POLA1: variants seen among roughly 807,000 people sequenced by gnomAD.
The protein encoded by POLA1 is DNA polymerase alpha 1, catalytic subunit, also known as DNA polymerase alpha catalytic subunit.
In POLA1, 15 loss-of-function variants were observed where a neutral mutation model predicts 124.0. The ratio of observed to expected loss-of-function variants is 0.12; its 90% CI spans 0.08 to 0.19. The LOEUF is 0.19. POLA1 is among the 10% of genes least tolerant of loss of function. The pLI is 1.00. For missense variants in POLA1, 886 were observed against 1,103.4 expected, an observed-to-expected ratio of 0.80 and a Z score of 2.79; for synonymous variants, 408 against 389.4, an observed-to-expected ratio of 1.05 and a Z score of -0.56.
chrX:24,906,717 A>T (rs1321679595), intron 35 of POLA1, among the ~76,000 whole-genome samples: 2 of 111,111 alleles, frequency 1.8e-5, no homozygotes, highest in Admixed American at 1.9e-4. Context: ...AACCCTCATA[A>T]TGGTCTCCAC....
At chrX:24,741,115 TTG>T (rs751996539) in intron 20 of POLA1, among the ~76,000 whole-genome samples, 14,588 of 89,324 alleles carry the variant, frequency 0.16, 932 homozygotes, top group Middle Eastern at 0.19. Flanking sequence ...TTATGGGATT[TTG>T]TGTGTGTGTG....
At chrX:24,744,999 G>C (rs756594001) in intron 23 of POLA1, among the ~76,000 whole-genome samples, 3 of 70,238 alleles carry the variant, frequency 4.3e-5, no homozygotes, top group East Asian at 1.2e-3. Context: ...GTTTTATTTG[G>C]GGTGGGGGGT....
intron 36 of POLA1, among the ~76,000 whole-genome samples, chrX:24,943,779 A>T (rs1466557321): frequency 1.8e-5 from 2 of 112,690 alleles, no homozygotes; most frequent in Non-Finnish European, 3.7e-5. Flanking sequence ...GCTCATTTGC[A>T]TAATTCAGTA....
intron 12 of POLA1, among the ~76,000 whole-genome samples, chrX:24,725,730 T>A (rs1177066018): frequency 8.9e-6 from 1 of 111,908 alleles, no homozygotes; most frequent in African/African-American, 3.2e-5. Flanking sequence ...TTGTAAAAAA[T>A]TTTAAATTTT....
In POLA1 at chrX:24,996,947, T is replaced by C. The variant is rs999166266; in HGVS notation, c.*997T>C. On this transcript the variant is annotated 3_prime_UTR_variant, in exon 37 of 37. Transcript: ENST00000379068. ...GTGTTTTTATAAAAGAAAAAGTATG[T>C]TGTGCCTTCTTCTTAAGAATAAAGT... 8.9e-6 allele frequency: 1 copy of C among 111,878 alleles called. No individual in the cohort carries two copies. The highest frequency in any genetic ancestry group is 1.9e-5 in the Non-Finnish European group (1 of 53,263). The allele number at this position is 111,878 out of a possible 1,213,427, so 9.2% of individuals were successfully genotyped here. A position where few individuals can be genotyped will look rare whatever the true frequency, so the allele number is the denominator to read the frequency against.
intron 36 of POLA1, among the ~76,000 whole-genome samples, chrX:24,937,406 T>G (rs754700518): frequency 8.9e-6 from 1 of 112,009 alleles, no homozygotes; most frequent in Non-Finnish European, 1.9e-5. Context: ...TTCTTTTTCT[T>G]TATAATTTTA....
intron 11 of POLA1, among the ~76,000 whole-genome samples, chrX:24,723,869 C>T (rs1412245816): frequency 8.9e-6 from 1 of 112,140 alleles, no homozygotes; most frequent in Non-Finnish European, 1.9e-5. Flanking sequence ...TTAGTAGATA[C>T]AGGGTTTCAC....
Position 24,814,445 on chromosome X carries a change from AAATG to A in POLA1, c.3297-531_3297-528del, listed in dbSNP as rs1203008489. Reference sequence around the variant, plus strand: ...GCGTAAGGGAGAACACTGAGCAACAAAATGAAGGTGAAGAAAGAAAAGTTTGAAA... The same window carrying A: ...GCGTAAGGGAGAACACTGAGCAACAAAAGGTGAAGAAAGAAAAGTTTGAAA... On this transcript the variant is annotated intron_variant, in intron 29 of 36. Coordinates refer to ENST00000379068, the MANE Select transcript of POLA1 (RefSeq NM_001330360.2). Among the ~76,000 whole-genome samples the A allele has an allele frequency of 2.7e-5, 3 of 112,052 alleles. No homozygotes were observed. In the East Asian group the frequency reaches 8.4e-4, roughly 31 times the overall value.
Position 24,909,008 on chromosome X carries a change from T to C in POLA1, c.4164+20886T>C, listed in dbSNP as rs1040780311. The stretch of plus-strand genomic sequence containing the variant: ...CAGTGATGATGAGCATTTTTTCATG[T>C]GTCTTTTGTCTGCATAAATGTCTTA... On this transcript the variant is annotated intron_variant, in intron 35 of 36. Coordinates refer to ENST00000379068, the MANE Select transcript of POLA1 (RefSeq NM_001330360.2). Among the ~76,000 whole-genome samples the C allele has an allele frequency of 3.6e-5, 4 of 112,518 alleles. No individual in the cohort carries two copies. The Admixed American group carries it at 3.8e-4, about 11-fold the overall frequency.
At chrX:24,793,151 C>T (rs1328707519) in intron 26 of POLA1, among the ~76,000 whole-genome samples, 3 of 108,019 alleles carry the variant, frequency 2.8e-5, no homozygotes, top group African/African-American at 1.0e-4. Context: ...GTGGCAGGTG[C>T]CTATAATCCC....
intron 16 of POLA1, 111 bp downstream of exon 16, chrX:24,732,565 G>T: frequency 5.3e-6 from 2 of 377,316 alleles, no homozygotes; most frequent in Non-Finnish European, 4.5e-6. Flanking sequence ...TTCAAGAATA[G>T]TGCATATTGT....
intron 33 of POLA1, among the ~76,000 whole-genome samples, 172 bp from the exon 34 acceptor site, chrX:24,843,374 G>A (rs1408758547): frequency 8.9e-6 from 1 of 112,121 alleles, no homozygotes; most frequent in East Asian, 2.8e-4. Flanking sequence ...TGGAAGGTAT[G>A]TATGACTAAA....
intron 32 of POLA1, among the ~76,000 whole-genome samples, chrX:24,839,949 C>G: frequency 8.9e-6 from 1 of 112,042 alleles, no homozygotes; most frequent in East Asian, 2.8e-4. Flanking sequence ...ATTCCTCTGA[C>G]CATCCTTAGC....
At chrX:24,972,858 T>C (rs1349306242) in intron 36 of POLA1, among the ~76,000 whole-genome samples, 1 of 112,680 alleles carries the variant, frequency 8.9e-6, no homozygotes, top group Non-Finnish European at 1.9e-5. Context: ...GTTCCACTTT[T>C]TTTCATCCAC....
At chrX:24,817,508 C>T (rs1292240190) in intron 30 of POLA1, among the ~76,000 whole-genome samples, 7 of 104,267 alleles carry the variant, frequency 6.7e-5, no homozygotes, top group African/African-American at 2.1e-4. Flanking sequence ...CTCAAGAGGC[C>T]GAGGCAGGAG....
intron 30 of POLA1, among the ~76,000 whole-genome samples, chrX:24,819,705 G>A (rs2148508630): frequency 9.0e-6 from 1 of 110,937 alleles, no homozygotes; most frequent in African/African-American, 3.3e-5. Context: ...TGTTACATAG[G>A]TACACATGTG....
chrX:24,952,320 C>T (rs1274512244), intron 36 of POLA1, among the ~76,000 whole-genome samples: 2 of 112,242 alleles, frequency 1.8e-5, no homozygotes. Flanking sequence ...CCCTTCCCTT[C>T]TTAACTAATT....
chrX:24,970,775 G>A (rs752860457), intron 36 of POLA1, among the ~76,000 whole-genome samples: 6 of 111,626 alleles, frequency 5.4e-5, no homozygotes, highest in East Asian at 5.6e-4. Context: ...AGTCCATTTC[G>A]AGATTTTTAA....
At chrX:24,854,919 A>T (rs961678913) in intron 34 of POLA1, among the ~76,000 whole-genome samples, 1 of 112,051 alleles carries the variant, frequency 8.9e-6, no homozygotes, top group African/African-American at 3.2e-5. Flanking sequence ...ATATCTAAGA[A>T]TAAATGTTTA....
Sources: gnomAD v4.1 joint callset for allele counts (sites outside exome capture counted in the v4.1 genomes callset) on GRCh38, gnomAD v4.1.1 for gene constraint, MANE v1.5 for transcripts, NCBI Gene and HGNC (gene_info 2026-07-23, HGNC 2026-07-21) for gene names.